Variants in UBE2G2 observed in about 807,000 individuals in gnomAD.
The protein encoded by UBE2G2 is ubiquitin-conjugating enzyme E2 G2.
UBE2G2 carries 10 observed loss-of-function variants against 23.0 expected under a neutral mutation model. That is an observed-to-expected ratio of 0.43 (90% confidence interval 0.27 to 0.74). The LOEUF (loss-of-function observed/expected upper bound fraction) is 0.74, where lower values mean the gene tolerates loss of function less well. Among genes scored for constraint, UBE2G2 ranks in the 30% least tolerant of loss-of-function variants. UBE2G2 has a pLI of 0.19. For missense variants in UBE2G2, 150 were observed against 218.3 expected, an observed-to-expected ratio of 0.69 and a Z score of 1.97; for synonymous variants, 86 against 81.3, an observed-to-expected ratio of 1.06 and a Z score of -0.31.
rs141942953 is a variant in UBE2G2, at chr21:44,777,662, G to T, written c.126-245C>A. ...GTCTCTACTAAAAATACAAAAATTGGCTGGGTGTGGTGGCGCATGACTGTA... is the reference window on the plus strand; with the variant it reads ...GTCTCTACTAAAAATACAAAAATTGTCTGGGTGTGGTGGCGCATGACTGTA... On this transcript the variant is annotated intron_variant, in intron 3 of 5. Transcript: ENST00000345496. Among the ~76,000 whole-genome samples the T allele has an allele frequency of 7.9e-3, 1,204 of 152,134 alleles. 14 individuals are homozygous for T. The highest frequency in any genetic ancestry group is 0.027 in the African/African-American group (1,134 of 41,482).
At chr21:44,787,838 G>T in intron 3 of UBE2G2, 82 bp downstream of exon 3, 2 of 1,502,068 alleles carry the variant, frequency 1.3e-6, no homozygotes, top group Non-Finnish European at 9.1e-7. Flanking sequence ...GATGCTTTTG[G>T]ACACAGTCAC....
chr21:44,791,166 G>C (rs1319686756), intron 1 of UBE2G2, among the ~76,000 whole-genome samples: 1 of 152,126 alleles, frequency 6.6e-6, no homozygotes, highest in African/African-American at 2.4e-5. Context: ...AGAAAGCAGG[G>C]AATAAAAGTT....
At chr21:44,779,195 T>C in intron 3 of UBE2G2, 1 of 450,560 alleles carries the variant, frequency 2.2e-6, no homozygotes, top group Non-Finnish European at 4.4e-6. Flanking sequence ...CCAGCACGGC[T>C]CATGGCCCTA....
intron 1 of UBE2G2, among the ~76,000 whole-genome samples, chr21:44,799,598 C>G (rs1226309551): frequency 6.6e-6 from 1 of 152,224 alleles, no homozygotes; most frequent in Non-Finnish European, 1.5e-5. Context: ...GAGTTAGGAC[C>G]TTGCTCTGGA....
At chr21:44,792,558 A>G (rs887427316) in intron 1 of UBE2G2, among the ~76,000 whole-genome samples, 8 of 152,150 alleles carry the variant, frequency 5.3e-5, no homozygotes, top group Admixed American at 1.3e-4. Context: ...TGCCATGACT[A>G]TAAGTTTCCT....
rs529051017 is a variant in UBE2G2 at position 44,793,462 on chromosome 21, C to T, written c.44-5367G>A. On this transcript the variant is annotated intron_variant, in intron 1 of 5. Coordinates refer to ENST00000345496, the MANE Select transcript of UBE2G2 (RefSeq NM_003343.6). The stretch of plus-strand genomic sequence containing the variant: ...CAGCACAGAGACCTGCCCGGGTGTG[C>T]GCTGGCCTTCCCGCCAGCTTTGTTA... Among the ~76,000 whole-genome samples the T allele has an allele frequency of 5.3e-5, 8 of 152,296 alleles. 1 individual carries two copies. The highest frequency in any genetic ancestry group is 3.3e-4 in the Admixed American group (5 of 15,304).
intron 1 of UBE2G2, among the ~76,000 whole-genome samples, chr21:44,789,017 G>GCATATATA (rs1253814550): frequency 6.6e-6 from 1 of 151,918 alleles, no homozygotes; most frequent in East Asian, 1.9e-4. Flanking sequence ...TGAATATGAG[G>GCATATATA]CATATATATA....
chr21:44,796,443 C>G (rs1209956209), intron 1 of UBE2G2, among the ~76,000 whole-genome samples: 1 of 152,140 alleles, frequency 6.6e-6, no homozygotes, highest in Non-Finnish European at 1.5e-5. Context: ...TTGATTCTGT[C>G]AAGTCCACCT....
intron 1 of UBE2G2, among the ~76,000 whole-genome samples, chr21:44,796,196 CA>C (rs2083087424): frequency 6.6e-6 from 1 of 152,234 alleles, no homozygotes; most frequent in East Asian, 1.9e-4. Context: ...GACAAGACAG[CA>C]GTTTACAACA....
At chr21:44,776,108 T>C (rs1555960547) in intron 4 of UBE2G2, among the ~76,000 whole-genome samples, 1 of 151,270 alleles carries the variant, frequency 6.6e-6, no homozygotes, top group African/African-American at 2.4e-5. Context: ...TTTCCACCAG[T>C]GAAGTGGCCG....
At chr21:44,794,104 T>C (rs1555963321) in intron 1 of UBE2G2, among the ~76,000 whole-genome samples, 1 of 152,176 alleles carries the variant, frequency 6.6e-6, no homozygotes, top group Non-Finnish European at 1.5e-5. Flanking sequence ...CTGACTAATA[T>C]CCTTTTAAGA....
At chr21:44,788,571 G>A (rs1292530767) in intron 1 of UBE2G2, among the ~76,000 whole-genome samples, 2 of 152,154 alleles carry the variant, frequency 1.3e-5, no homozygotes, top group Non-Finnish European at 2.9e-5. Flanking sequence ...TTACAGGCAT[G>A]AGCCACCGCG....
intron 5 of UBE2G2, among the ~76,000 whole-genome samples, chr21:44,773,340 C>T (rs1371494171): frequency 3.9e-5 from 6 of 152,178 alleles, no homozygotes; most frequent in South Asian, 2.1e-4. Flanking sequence ...TAATTATGGC[C>T]GACAATACAA....
At chr21:44,790,453 G>A (rs1008175941) in intron 1 of UBE2G2, among the ~76,000 whole-genome samples, 4 of 152,202 alleles carry the variant, frequency 2.6e-5, no homozygotes, top group African/African-American at 9.7e-5. Context: ...TTGGCTTTGT[G>A]TCCCCACACA....
Position 44,770,996 on chromosome 21 carries a change from C to T in UBE2G2, c.*381G>A, listed in dbSNP as rs144254488. ...CAGGGCCCCATTTCTTCAGAAGGAG[C>T]GTTCTGGGTATTCCATCGTCCCCTG... On this transcript the variant is annotated 3_prime_UTR_variant, in exon 6 of 6. Coordinates refer to ENST00000345496, the MANE Select transcript of UBE2G2 (RefSeq NM_003343.6). 118 of 165,948 alleles carry T rather than the reference C, an allele frequency of 7.1e-4. No individual in the cohort carries two copies. Among genetic ancestry groups the T allele is most frequent in the African/African-American group, 2.7e-3 (112 of 41,908 alleles). The allele number at this position is 165,948 out of a possible 1,614,324, so 10.3% of individuals were successfully genotyped here.
intron 1 of UBE2G2, among the ~76,000 whole-genome samples, chr21:44,797,740 A>AAAAAAAAAAAAG (rs781868771): frequency 6.1e-5 from 7 of 114,302 alleles, no homozygotes; most frequent in African/African-American, 1.6e-4. Context: ...AAAAAAAAAA[A>AAAAAAAAAAAAG]AGAGAAAATA....
intron 1 of UBE2G2, among the ~76,000 whole-genome samples, chr21:44,791,362 G>A (rs2083042727): frequency 6.6e-6 from 1 of 152,112 alleles, no homozygotes; most frequent in Non-Finnish European, 1.5e-5. Flanking sequence ...AGGGAAAAAT[G>A]GTTTTGTGGG....
intron 4 of UBE2G2, chr21:44,775,101 C>T (rs1465585603): frequency 2.5e-5 from 4 of 160,840 alleles, no homozygotes; most frequent in South Asian, 1.6e-4. Flanking sequence ...AATGGAGTTC[C>T]GCCACTCCCA....
At position 44,777,308 on chromosome 21, in the gene UBE2G2, G is replaced by C. The variant is rs1361704091; in HGVS notation, c.235C>G (p.His79Asp). 6.2e-6 allele frequency: 10 copies of C among 1,613,776 alleles called. No homozygotes were observed. The highest frequency in any genetic ancestry group is 8.5e-6 in the Non-Finnish European group (10 of 1,179,922). The change falls in exon 4 of 6, where the codon CAT (histidine) becomes GAT (aspartate). Residue 79 changes from histidine to aspartate, a missense_variant. By Grantham distance (81) the His-to-Asp change is moderately conservative. Transcript: ENST00000345496. ...PKMRFTCEMF[H>D]PNIYPDGRVC... is the part of the protein sequence containing the mutation. ...TTCCAAAAGCACTTACTGTTGGGAT[G>C]AAACATCTCACAGGTAAATCTCATC...
Sources: gnomAD v4.1 joint callset for allele counts (sites outside exome capture counted in the v4.1 genomes callset) on GRCh38, gnomAD v4.1.1 for gene constraint, MANE v1.5 for transcripts, NCBI Gene and HGNC (gene_info 2026-07-23, HGNC 2026-07-21) for gene names.